UGT2B4: variants seen among roughly 807,000 people sequenced by gnomAD.
The protein encoded by UGT2B4 is UDP glucuronosyltransferase family 2 member B4, also known as UDP-glucuronosyltransferase 2B4.
UGT2B4 carries 49 observed loss-of-function variants against 49.8 expected under a neutral mutation model. The ratio of observed to expected loss-of-function variants is 0.98; its 90% CI spans 0.78 to 1.25. UGT2B4 has a LOEUF of 1.25. Ranked by LOEUF, UGT2B4 falls within the 50% of genes most tolerant of loss-of-function variation. The pLI, the probability that UGT2B4 is intolerant of heterozygous loss-of-function variation, is 0.00. For missense variants in UGT2B4, 729 were observed against 627.7 expected (o/e 1.16, Z -1.73); for synonymous variants, 246 against 217.7 (o/e 1.13, Z -1.14).
Position 69,493,724 on chromosome 4 carries a change from A to G in UGT2B4, c.839T>C (p.Leu280Pro). The G allele has an allele frequency of 2.5e-6, 4 of 1,609,960 alleles. No individual in the cohort carries two copies. The highest frequency in any genetic ancestry group is 3.4e-6 in the Non-Finnish European group (4 of 1,178,502). Reference sequence around the variant, plus strand: ...TAGGGGTTTGGCAGGTTTGCAGTGGAGTCCTCCAACGAACTCAACATTTGG... The same window carrying G: ...TAGGGGTTTGGCAGGTTTGCAGTGGGGTCCTCCAACGAACTCAACATTTGG... ...LLPNVEFVGG[L>P]HCKPAKPLPK... is the part of the protein sequence containing the mutation. The change falls in exon 2 of 6, where the codon CTC becomes CCC. Residue 280 changes from leucine to proline, a missense_variant. Leu to Pro is a moderately conservative substitution (Grantham distance 98, BLOSUM62 -3). Coordinates refer to ENST00000305107, the MANE Select transcript of UGT2B4 (RefSeq NM_021139.3).
At chr4:69,494,854 A>G (rs1383742298) in intron 1 of UGT2B4, among the ~76,000 whole-genome samples, 1 of 152,204 alleles carries the variant, frequency 6.6e-6, no homozygotes, top group African/African-American at 2.4e-5. Context: ...GAAAAAATGT[A>G]TAATAAAACA....
At chr4:69,518,862 A>G (rs1364440139) in intron 1 of UGT2B4, among the ~76,000 whole-genome samples, 1 of 152,184 alleles carries the variant, frequency 6.6e-6, no homozygotes, top group African/African-American at 2.4e-5. Context: ...TAAATTATAT[A>G]TATTTAGTAC....
chr4:69,480,567 T>C lies in UGT2B4; in HGVS notation c.*67A>G. The C allele has an allele frequency of 6.5e-7, 1 of 1,543,970 alleles. No individual in the cohort carries two copies. The highest frequency in any genetic ancestry group is 8.7e-7 in the Non-Finnish European group (1 of 1,145,042). The stretch of plus-strand genomic sequence containing the variant: ...GAAAGGAATCTCTTGTATCACAACG[T>C]CTTCTTGTTGTAATAAACTAAAGGA... On this transcript the variant is annotated 3_prime_UTR_variant, in exon 6 of 6. Coordinates refer to ENST00000305107, the MANE Select transcript of UGT2B4 (RefSeq NM_021139.3).
chr4:69,487,929 G>T (rs1727842378), intron 3 of UGT2B4, among the ~76,000 whole-genome samples: 1 of 151,666 alleles, frequency 6.6e-6, no homozygotes, highest in Admixed American at 6.6e-5. Flanking sequence ...TCATTTTTTT[G>T]AGTAATATGG....
intron 1 of UGT2B4, among the ~76,000 whole-genome samples, chr4:69,522,166 T>C (rs1161659331): frequency 6.6e-6 from 1 of 151,808 alleles, no homozygotes; most frequent in African/African-American, 2.4e-5. Context: ...ACAAATAATA[T>C]AGGTTTACAT....
intron 3 of UGT2B4, among the ~76,000 whole-genome samples, chr4:69,487,578 A>G (rs1198079786): frequency 1.3e-5 from 2 of 151,980 alleles, no homozygotes; most frequent in East Asian, 3.9e-4. Flanking sequence ...AATAACATAC[A>G]CTGGGGCTTA....
intron 1 of UGT2B4, among the ~76,000 whole-genome samples, chr4:69,523,357 C>G (rs1276589164): frequency 2.0e-5 from 3 of 152,012 alleles, no homozygotes; most frequent in African/African-American, 7.2e-5. Flanking sequence ...TACCTTGATC[C>G]ATGGGTTGCA....
At position 69,480,842 on chromosome 4, in the gene UGT2B4, G is replaced by T; in HGVS notation, c.1379C>A (p.Ala460Glu). 1 of 1,613,858 alleles carries T rather than the reference G, an allele frequency of 6.2e-7. No homozygotes were observed. Among genetic ancestry groups the T allele is most frequent in the Non-Finnish European group, 8.5e-7 (1 of 1,179,818 alleles). The change falls in exon 6 of 6, where the codon GCA becomes GAA. Residue 460 changes from alanine to glutamate, a missense_variant. Ala to Glu is a moderately radical substitution (Grantham distance 107). Coordinates refer to ENST00000305107, the MANE Select transcript of UGT2B4 (RefSeq NM_021139.3). ...CATGACAAATTCAATCCAGAAGACT[G>T]CTCGATCAAGGGGCTTCACTGGTTG... ...HDQPVKPLDR[A>E]VFWIEFVMRH...
intron 1 of UGT2B4, among the ~76,000 whole-genome samples, chr4:69,521,871 A>G (rs1052812793): frequency 3.9e-5 from 6 of 152,264 alleles, no homozygotes; most frequent in Non-Finnish European, 7.3e-5. Flanking sequence ...TAAGCAGAAT[A>G]TAACAATTAC....
At chr4:69,500,424 C>T, upstream of UGT2B4, among the ~76,000 whole-genome samples, 1 of 126,676 alleles carries the variant, frequency 7.9e-6, no homozygotes, top group Non-Finnish European at 1.7e-5. Flanking sequence ...AGAACAACAA[C>T]AAAAATAAAT....
chr4:69,486,643 C>G lies in UGT2B4; in HGVS notation c.1056G>C (p.Arg352=). The change falls in exon 4 of 6, where the codon CGG becomes CGC. Residue 352 remains arginine, a synonymous_variant. Transcript: ENST00000305107. ...NKPDTLGLNT[R]LYKWIPQNDL... ...CATTCTGGGGTATCCACTTGTACAG[C>G]CGAGTATTGAGTCCTAAAGTATCTG... The G allele has an allele frequency of 1.2e-6, 2 of 1,608,720 alleles. No homozygotes were observed. The highest frequency in any genetic ancestry group is 1.7e-4 in the Middle Eastern group (1 of 6,036).
At chr4:69,489,828 T>C (rs1003054629) in intron 2 of UGT2B4, among the ~76,000 whole-genome samples, 1 of 152,058 alleles carries the variant, frequency 6.6e-6, no homozygotes, top group African/African-American at 2.4e-5. Flanking sequence ...GAAATAGAGT[T>C]ATTACACAGT....
intron 5 of UGT2B4, among the ~76,000 whole-genome samples, chr4:69,482,263 A>G (rs904389387): frequency 1.3e-5 from 2 of 152,180 alleles, no homozygotes; most frequent in Non-Finnish European, 2.9e-5. Context: ...GATTTCCTCT[A>G]CTTTTTGTGC....
intron 1 of UGT2B4, chr4:69,525,565 A>AT (rs1421882496): frequency 7.7e-6 from 3 of 390,074 alleles, no homozygotes; most frequent in South Asian, 7.0e-5. Flanking sequence ...TTGGAGACTC[A>AT]TTTTTTGGGC....
chr4:69,480,994 T>C (rs908431582), intron 5 of UGT2B4, 84 bp from the exon 6 acceptor site: 50 of 1,483,426 alleles, frequency 3.4e-5, no homozygotes, highest in Non-Finnish European at 4.2e-5. Flanking sequence ...ATCCCAGCAG[T>C]TTCCGAGGTC....
At chr4:69,512,139 G>GCTCAAATATATAT (rs1728619597) in intron 1 of UGT2B4, among the ~76,000 whole-genome samples, 1 of 150,532 alleles carries the variant, frequency 6.6e-6, no homozygotes, top group East Asian at 1.9e-4. Context: ...TTAATTACAT[G>GCTCAAATATATAT]TATTTCAGCT....
chr4:69,493,587 C>A (rs1030549283), intron 2 of UGT2B4, 106 bp downstream of exon 2: 22 of 1,379,240 alleles, frequency 1.6e-5, no homozygotes, highest in Non-Finnish European at 1.9e-5. Context: ...CTGCTTTACT[C>A]TTCCCACTTC....
upstream of UGT2B4, among the ~76,000 whole-genome samples, chr4:69,500,605 G>GAAAGCAA (rs57424138): frequency 7.7e-6 from 1 of 130,550 alleles, no homozygotes; most frequent in African/African-American, 2.9e-5. Context: ...AAGAAAGCAA[G>GAAAGCAA]GAAGAAAGAA....
intron 4 of UGT2B4, 84 bp from the exon 5 acceptor site, chr4:69,485,511 T>C (rs1423824345): frequency 6.4e-7 from 1 of 1,560,052 alleles, no homozygotes; most frequent in African/African-American, 1.4e-5. Flanking sequence ...GTGACGGTGT[T>C]TCCTAGATAA....
Sources: allele counts gnomAD v4.1 joint callset (sites outside exome capture counted in the v4.1 genomes callset), GRCh38; gene constraint gnomAD v4.1.1; transcripts MANE v1.5; gene names NCBI Gene and HGNC (gene_info 2026-07-23, HGNC 2026-07-21).